The following RNASE10 variants were observed in gnomAD, a reference collection of about 807,000 sequenced individuals.
RNASE10 encodes the protein inactive ribonuclease-like protein 10.
In RNASE10, 2 loss-of-function variants were observed where a neutral mutation model predicts 1.1. The observed-to-expected ratio is 1.82, with a 90% CI of 0.74 to 5.73. The LOEUF (loss-of-function observed/expected upper bound fraction) is 5.73, where lower values mean the gene tolerates loss of function less well. Among genes scored for constraint, RNASE10 ranks in the 30% most tolerant of loss-of-function variants. The pLI is 0.05. For synonymous variants in RNASE10, 97 were observed against 96.2 expected (o/e 1.01, Z -0.05); for missense variants, 276 against 263.4 (o/e 1.05, Z -0.33).
downstream of RNASE10, chr14:20,511,268 C>A (rs1882894791): frequency 1.7e-6 from 1 of 597,010 alleles, no homozygotes; most frequent in Non-Finnish European, 2.6e-6. Context: ...GCATTTTGTT[C>A]CTAGGATTAG....
intron 1 of RNASE10, among the ~76,000 whole-genome samples, chr14:20,506,671 G>T (rs1394827604): frequency 1.0e-5 from 1 of 98,518 alleles, no homozygotes; most frequent in Non-Finnish European, 2.1e-5. Context: ...GAGGTGGGGG[G>T]TCAGCCCCCC....
chr14:20,506,793 G>A (rs1882742934), intron 1 of RNASE10, among the ~76,000 whole-genome samples: 5 of 123,482 alleles, frequency 4.0e-5, no homozygotes, highest in African/African-American at 1.6e-4. Context: ...CCGGCCAGCC[G>A]CCCCGTCCGG....
At chr14:20,512,571 G>T (rs1959005), downstream of RNASE10, among the ~76,000 whole-genome samples, 134,744 of 152,248 alleles carry the variant, frequency 0.89, 59,782 homozygotes, top group East Asian at 0.94. Flanking sequence ...TGTTCTTTCT[G>T]TCTTTATTCT....
chr14:20,504,864 C>T (rs910754519), upstream of RNASE10, among the ~76,000 whole-genome samples: 6 of 151,856 alleles, frequency 4.0e-5, no homozygotes, highest in African/African-American at 1.5e-4. Context: ...CCAACGTAGC[C>T]TCAGTCCCTA....
At chr14:20,504,519 C>T (rs1352753422), upstream of RNASE10, among the ~76,000 whole-genome samples, 1 of 151,188 alleles carries the variant, frequency 6.6e-6, no homozygotes, top group African/African-American at 2.4e-5. Flanking sequence ...AACCCCGTCT[C>T]TACTAAAAAA....
intron 1 of RNASE10, among the ~76,000 whole-genome samples, chr14:20,508,250 A>C (rs536905032): frequency 1.3e-5 from 2 of 152,210 alleles, no homozygotes; most frequent in African/African-American, 2.4e-5. Flanking sequence ...TCAGTATATC[A>C]AATACATATA....
rs1396703575 is a variant in RNASE10, at chr14:20,506,794, C to T, written c.79+775C>T. Among the ~76,000 whole-genome samples the T allele has an allele frequency of 2.4e-3, 313 of 128,894 alleles. 1 individual carries two copies. Among genetic ancestry groups the T allele is most frequent in the African/African-American group, 9.1e-3 (290 of 31,984 alleles). The allele number at this position is 128,894 out of a possible 152,430, so 84.6% of individuals were successfully genotyped here. A position where few individuals can be genotyped will look rare whatever the true frequency, so the allele number is the denominator to read the frequency against. ...GGTCAGCCCCCCGCCCGGCCAGCCGCCCCGTCCGGGAGGGAGGTGGGGGGA... is the reference window on the plus strand; with the variant it reads ...GGTCAGCCCCCCGCCCGGCCAGCCGTCCCGTCCGGGAGGGAGGTGGGGGGA... On this transcript the variant is annotated intron_variant, in intron 1 of 1. Coordinates refer to ENST00000430083, the Ensembl canonical transcript of RNASE10.
downstream of RNASE10, chr14:20,511,167 TC>T: frequency 7.4e-7 from 1 of 1,355,478 alleles, no homozygotes; most frequent in Non-Finnish European, 9.8e-7. Flanking sequence ...CTGTTCCTCT[TC>T]CTTTTTTACT....
chr14:20,507,168 G>C (rs1433136318), intron 1 of RNASE10, among the ~76,000 whole-genome samples: 168 of 144,944 alleles, frequency 1.2e-3, no homozygotes, highest in Admixed American at 2.0e-3. Context: ...TTGTGGAATA[G>C]AAAGGCGGGA....
upstream of RNASE10, among the ~76,000 whole-genome samples, chr14:20,505,231 G>C (rs938752044): frequency 1.5e-5 from 2 of 135,758 alleles, no homozygotes; most frequent in Non-Finnish European, 3.1e-5. Context: ...AGAATATATA[G>C]ACAAATCATA....
At chr14:20,505,454 C>G (rs1169024290), upstream of RNASE10, 2 of 73,936 alleles carry the variant, frequency 2.7e-5, 1 homozygote, top group African/African-American at 2.2e-4. Context: ...CCTGCGATTG[C>G]AGGCGCGCGC....
chr14:20,510,925 T>C, exon 2 of RNASE10: 1 of 1,613,456 alleles, frequency 6.2e-7, no homozygotes, highest in Non-Finnish European at 8.5e-7. Context: ...CAAAGCTGTC[T>C]GTAACAGTCC....
At chr14:20,510,412 T>C in intron 1 of RNASE10, 55 bp from the exon 2 acceptor site, 1 of 1,560,938 alleles carries the variant, frequency 6.4e-7, no homozygotes, top group Non-Finnish European at 8.6e-7. Flanking sequence ...CAGTCTCTAC[T>C]AGAGCCAATT....
intron 1 of RNASE10, among the ~76,000 whole-genome samples, chr14:20,509,293 C>CT (rs1371361020): frequency 6.6e-6 from 1 of 152,238 alleles, no homozygotes; most frequent in Non-Finnish European, 1.5e-5. Context: ...GGTGATCCAC[C>CT]TGCCTTGGCC....
intron 1 of RNASE10, among the ~76,000 whole-genome samples, chr14:20,510,050 T>C (rs1442011040): frequency 6.6e-6 from 1 of 151,048 alleles, no homozygotes; most frequent in African/African-American, 2.4e-5. Flanking sequence ...CCCTGGGAGA[T>C]TGAGGCTTCA....
At chr14:20,506,420 G>T (rs1451203526) in intron 1 of RNASE10, among the ~76,000 whole-genome samples, 1 of 125,042 alleles carries the variant, frequency 8.0e-6, no homozygotes, top group Non-Finnish European at 1.7e-5. Context: ...CCGGCCAGCC[G>T]TCCCGTCCGG....
At chr14:20,510,543 G>A in exon 2 of RNASE10, 2 of 1,614,172 alleles carry the variant, frequency 1.2e-6, no homozygotes, top group Non-Finnish European at 1.7e-6. Flanking sequence ...TGGGCCTGGG[G>A]TTGGGACTTC....
At chr14:20,513,733 A>T (rs904177438), downstream of RNASE10, among the ~76,000 whole-genome samples, 1 of 152,240 alleles carries the variant, frequency 6.6e-6, no homozygotes, top group Non-Finnish European at 1.5e-5. Context: ...ATATGATATA[A>T]ACATACACAC....
chr14:20,510,343 G>A, intron 1 of RNASE10, 124 bp from the exon 2 acceptor site: 1 of 1,406,744 alleles, frequency 7.1e-7, no homozygotes, highest in Non-Finnish European at 9.5e-7. Flanking sequence ...AGAGGGTAGA[G>A]TAATGTGCAG....
Sources: gnomAD v4.1 joint callset for allele counts (sites outside exome capture counted in the v4.1 genomes callset) on GRCh38, gnomAD v4.1.1 for gene constraint, MANE v1.5 for transcripts, NCBI Gene and HGNC (gene_info 2026-07-23, HGNC 2026-07-21) for gene names.